The following PPP1R1C variants were observed in gnomAD, a reference collection of about 807,000 sequenced individuals.
The protein encoded by PPP1R1C is protein phosphatase 1 regulatory inhibitor subunit 1C.
Under a neutral mutation model 17.4 loss-of-function variants are expected in PPP1R1C, and 15 were observed. The observed-to-expected ratio is 0.86, with a 90% CI of 0.58 to 1.33. PPP1R1C has a LOEUF of 1.33. Ranked by LOEUF, PPP1R1C falls within the 40% of genes most tolerant of loss-of-function variation. PPP1R1C has a pLI of 0.00. For synonymous variants in PPP1R1C, 35 were observed against 43.1 expected (o/e 0.81, Z 0.73); for missense variants, 143 against 130.0 (o/e 1.10, Z -0.48).
intron 4 of PPP1R1C, among the ~76,000 whole-genome samples, chr2:182,074,634 C>G (rs574881577): frequency 3.2e-4 from 49 of 152,262 alleles, no homozygotes; most frequent in African/African-American, 1.1e-3. Flanking sequence ...ACAAACTTGT[C>G]CTGGTCTATA....
In PPP1R1C at chr2:181,999,779, A is replaced by T. The variant is rs560093717; in HGVS notation, c.142+11880A>T. 2.4e-3 allele frequency among the ~76,000 whole-genome samples: 356 copies of T among 151,250 alleles called. 4 individuals are homozygous for T. Among genetic ancestry groups the T allele is most frequent in the African/African-American group, 8.1e-3 (335 of 41,124 alleles). On this transcript the variant is annotated intron_variant, in intron 2 of 4. Coordinates refer to ENST00000682840, the MANE Select transcript of PPP1R1C (RefSeq NM_001080545.3). ...AGATATTTTATTCTATAAGCTAAAA[A>T]CAAAAAAAAAAAGATAACCAAATAG...
chr2:181,991,664 C>A (rs1028583557), intron 2 of PPP1R1C, among the ~76,000 whole-genome samples: 2 of 152,148 alleles, frequency 1.3e-5, no homozygotes, highest in Non-Finnish European at 2.9e-5. Context: ...TATATTTCGT[C>A]TTTTTCAAAT....
intron 4 of PPP1R1C, among the ~76,000 whole-genome samples, chr2:182,064,497 T>C (rs1400006): frequency 0.038 from 5,750 of 152,158 alleles, 384 homozygotes; most frequent in Admixed American, 0.18. Flanking sequence ...TGGCTGATCA[T>C]ACTCAATTTG....
At chr2:182,014,712 A>T (rs1686205825) in intron 2 of PPP1R1C, among the ~76,000 whole-genome samples, 1 of 151,992 alleles carries the variant, frequency 6.6e-6, no homozygotes, top group East Asian at 1.9e-4. Context: ...TTAGTAACCT[A>T]CTTGGTGCTC....
intron 4 of PPP1R1C, among the ~76,000 whole-genome samples, chr2:182,090,056 T>C (rs1478547262): frequency 6.6e-6 from 1 of 152,180 alleles, no homozygotes; most frequent in Non-Finnish European, 1.5e-5. Flanking sequence ...TTTTCAAATA[T>C]AAATATTTAG....
At chr2:182,017,130 G>C (rs1341888466) in intron 2 of PPP1R1C, among the ~76,000 whole-genome samples, 1 of 152,132 alleles carries the variant, frequency 6.6e-6, no homozygotes, top group East Asian at 1.9e-4. Context: ...GACATTCTAA[G>C]TGAATCAACT....
At chr2:181,982,220 G>A (rs890942959), upstream of PPP1R1C, among the ~76,000 whole-genome samples, 1 of 152,068 alleles carries the variant, frequency 6.6e-6, no homozygotes, top group African/African-American at 2.4e-5. Context: ...AGTATTGACA[G>A]TTATCAGATA....
chr2:182,117,505 A>G lies in PPP1R1C; in HGVS notation c.*210A>G. ...TCCACATCACTTATAATTAAAGAATAAGCATTTATTTTACAGTGATTCTTC... is the reference window on the plus strand; with the variant it reads ...TCCACATCACTTATAATTAAAGAATGAGCATTTATTTTACAGTGATTCTTC... On this transcript the variant is annotated 3_prime_UTR_variant, in exon 5 of 5. Coordinates refer to ENST00000682840, the MANE Select transcript of PPP1R1C (RefSeq NM_001080545.3). The G allele has an allele frequency of 4.5e-6, 2 of 448,746 alleles. No individual in the cohort carries two copies. Among genetic ancestry groups the G allele is most frequent in the Non-Finnish European group, 8.0e-6 (2 of 249,272 alleles). 27.8% of individuals were successfully genotyped at this position (448,746 alleles called of 1,614,324 possible).
chr2:182,091,139 A>T (rs1688767929), intron 4 of PPP1R1C, among the ~76,000 whole-genome samples: 1 of 152,204 alleles, frequency 6.6e-6, no homozygotes, highest in African/African-American at 2.4e-5. Flanking sequence ...ACTTAAATCT[A>T]TGTAGGAAAA....
chr2:181,989,678 A>G (rs1425557777), intron 2 of PPP1R1C, among the ~76,000 whole-genome samples: 1 of 152,110 alleles, frequency 6.6e-6, no homozygotes, highest in Non-Finnish European at 1.5e-5. Context: ...AGATCTCCCA[A>G]TTACTAGATG....
chr2:182,032,973 T>C (rs1686891170), intron 2 of PPP1R1C, among the ~76,000 whole-genome samples: 1 of 152,186 alleles, frequency 6.6e-6, no homozygotes. Flanking sequence ...TCTTTATCTT[T>C]TATTTCATTT....
upstream of PPP1R1C, among the ~76,000 whole-genome samples, chr2:181,981,089 C>T (rs1319371539): frequency 2.0e-5 from 3 of 151,624 alleles, no homozygotes; most frequent in African/African-American, 2.4e-5. Flanking sequence ...CCACTACGCC[C>T]GGCTAATTTT....
intron 1 of PPP1R1C, among the ~76,000 whole-genome samples, chr2:181,970,638 G>C (rs966961755): frequency 6.6e-6 from 1 of 152,174 alleles, no homozygotes; most frequent in Non-Finnish European, 1.5e-5. Context: ...AGCCAGCCAG[G>C]CTTATGGCTT....
At chr2:181,981,978 G>T (rs1046026782), upstream of PPP1R1C, among the ~76,000 whole-genome samples, 1 of 151,924 alleles carries the variant, frequency 6.6e-6, no homozygotes, top group African/African-American at 2.4e-5. Context: ...TTTTATTTTT[G>T]ATGGCATTTA....
chr2:182,052,904 A>C (rs1465995308), intron 2 of PPP1R1C, among the ~76,000 whole-genome samples: 1 of 150,708 alleles, frequency 6.6e-6, no homozygotes, highest in Non-Finnish European at 1.5e-5. Context: ...TGAGTGAGCC[A>C]AGAAAAAAAA....
intron 2 of PPP1R1C, among the ~76,000 whole-genome samples, chr2:182,010,726 T>C (rs1686065623): frequency 6.6e-6 from 1 of 152,072 alleles, no homozygotes; most frequent in Admixed American, 6.6e-5. Context: ...GCCTTTCAGT[T>C]TTCCCCCATT....
chr2:182,032,847 A>C (rs1032156073), intron 2 of PPP1R1C, among the ~76,000 whole-genome samples: 7 of 152,186 alleles, frequency 4.6e-5, no homozygotes, highest in Admixed American at 3.3e-4. Context: ...TTTCTCCTTA[A>C]GTTATCAATA....
rs1179312487 is a variant in PPP1R1C at position 181,957,073 on chromosome 2, A to T, written n.111+2439A>T. ...GCTTTGCCACTGGATAATTGTGCTA[A>T]CTCAGGCCAGGTGCAGTGGTTCACG... is the stretch of plus-strand genomic sequence containing the variant. On this transcript the variant is annotated intron_variant and non_coding_transcript_variant, in intron 1 of 5. Transcript: ENST00000464264. This position sits in a 1 kb window ranked among gnomAD's most constrained non-coding sequence, Gnocchi z 4.2. Among the ~76,000 whole-genome samples, 2 of 152,164 alleles carry T rather than the reference A, an allele frequency of 1.3e-5. No homozygotes were observed. Among genetic ancestry groups the T allele is most frequent in the Non-Finnish European group, 2.9e-5 (2 of 68,020 alleles).
chr2:182,009,062 G>A (rs1316670377), intron 2 of PPP1R1C, among the ~76,000 whole-genome samples: 2 of 152,030 alleles, frequency 1.3e-5, no homozygotes, highest in Non-Finnish European at 2.9e-5. Context: ...TCCAAATCTT[G>A]GCTATTATGA....
Sources: allele counts gnomAD v4.1 joint callset (sites outside exome capture counted in the v4.1 genomes callset), GRCh38; gene constraint gnomAD v4.1.1; non-coding constraint Gnocchi (gnomAD v3.1); transcripts MANE v1.5; gene names NCBI Gene and HGNC (gene_info 2026-07-23, HGNC 2026-07-21).